The following ABCC9 variants were observed in gnomAD, a reference collection of about 807,000 sequenced individuals.
ABCC9 encodes the protein ATP-binding cassette sub-family C member 9.
In ABCC9, 95 loss-of-function variants were observed where a neutral mutation model predicts 188.3. The ratio of observed to expected loss-of-function variants is 0.50; its 90% confidence interval spans 0.43 to 0.60. The LOEUF is 0.60. ABCC9 is among the 20% of genes least tolerant of loss of function. The pLI is 0.00. For missense variants in ABCC9, 1,102 were observed against 1,876.3 expected (o/e 0.59, Z 7.62); for synonymous variants, 659 against 652.7 (o/e 1.01, Z -0.15).
At chr12:21,809,188 T>C (rs562494626) in intron 37 of ABCC9, among the ~76,000 whole-genome samples, 2 of 152,272 alleles carry the variant, frequency 1.3e-5, no homozygotes, top group South Asian at 2.1e-4. Flanking sequence ...GAGTTAAAGA[T>C]AGTATGAACT....
intron 30 of ABCC9, among the ~76,000 whole-genome samples, chr12:21,836,435 A>G (rs560067007): frequency 1.4e-4 from 22 of 152,252 alleles, no homozygotes; most frequent in South Asian, 1.0e-3. Context: ...TAAAATAGAA[A>G]TCTTTATATT....
At chr12:21,924,474 T>A (rs1948971190) in intron 5 of ABCC9, 1 of 152,124 alleles carries the variant, frequency 6.6e-6, no homozygotes, top group African/African-American at 2.4e-5. Flanking sequence ...AATTACTATC[T>A]TTGTGGTCTT....
At position 21,915,514 on chromosome 12, in the gene ABCC9, A is replaced by ATATATATATTTTTTTTTTT; in HGVS notation, c.816+153_816+154insAAAAAAAAAAATATATATA. On this transcript the variant is annotated intron_variant, in intron 7 of 39. Coordinates refer to ENST00000261200, the MANE Select transcript of ABCC9 (RefSeq NM_020297.4). The stretch of plus-strand genomic sequence containing the variant: ...TGTGTGTGTGTGTATATATATATAT[A>ATATATATATTTTTTTTTTT]TTTTTTTTTTTTTTTTGAGACAGAG... 7.4e-3 allele frequency among the ~76,000 whole-genome samples: 26 copies of ATATATATATTTTTTTTTTT among 3,520 alleles called. 1 individual carries two copies. Among genetic ancestry groups the ATATATATATTTTTTTTTTT allele is most frequent in the Middle Eastern group, 0.5 (1 of 2 alleles). The allele number at this position is 3,520 out of a possible 152,430, so 2.3% of individuals were successfully genotyped here.
In ABCC9 at chr12:21,817,323, A is replaced by G. The variant is rs745509782; in HGVS notation, c.3772-16T>C. On this transcript the variant is annotated splice_polypyrimidine_tract_variant and intron_variant, in intron 32 of 39. Transcript: ENST00000261200. ...AATTGGTTATCTGTGTCAGGTGATTAAAAAAATTGTTTTAAATAAATTAAA... is the reference window on the plus strand; with the variant it reads ...AATTGGTTATCTGTGTCAGGTGATTGAAAAAATTGTTTTAAATAAATTAAA... 31 of 1,611,806 alleles carry G rather than the reference A, an allele frequency of 1.9e-5. No homozygotes were observed. The highest frequency in any genetic ancestry group is 2.5e-5 in the Non-Finnish European group (30 of 1,178,814).
intron 15 of ABCC9, among the ~76,000 whole-genome samples, chr12:21,886,945 C>A (rs1349802928): frequency 6.6e-6 from 1 of 152,088 alleles, no homozygotes; most frequent in Non-Finnish European, 1.5e-5. Flanking sequence ...GAAATGACCA[C>A]CCTGCTTCAA....
At chr12:21,807,197 G>T in intron 38 of ABCC9, 149 bp downstream of exon 38, 1 of 999,186 alleles carries the variant, frequency 1.0e-6, no homozygotes, top group Non-Finnish European at 1.5e-6. Context: ...TTCTCAATGT[G>T]CTATCATCAG....
At position 21,800,953 on chromosome 12, in the gene ABCC9, AG is replaced by A. The variant is rs1321349926; in HGVS notation, c.*90del. ...TGTGCAAAAATCTGTAAAAGTTTTA[AG>A]ATGCCACTTTACAGAGGTCAAGCTG... On this transcript the variant is annotated 3_prime_UTR_variant, in exon 40 of 40. Coordinates refer to ENST00000261200, the MANE Select transcript of ABCC9 (RefSeq NM_020297.4). The A allele has an allele frequency of 6.7e-7, 1 of 1,486,580 alleles. No individual in the cohort carries two copies. The highest frequency in any genetic ancestry group is 9.2e-7 in the Non-Finnish European group (1 of 1,086,954). The allele number at this position is 1,486,580 out of a possible 1,614,324, so 92.1% of individuals were successfully genotyped here.
chr12:21,808,111 G>A (rs1941984542), intron 37 of ABCC9, among the ~76,000 whole-genome samples: 2 of 151,838 alleles, frequency 1.3e-5, no homozygotes, highest in South Asian at 4.2e-4. Flanking sequence ...GAAAAATTCT[G>A]TTTCCAAATG....
At chr12:21,845,090 C>T (rs1020184146) in intron 26 of ABCC9, among the ~76,000 whole-genome samples, 175 bp from the exon 27 acceptor site, 2 of 152,064 alleles carry the variant, frequency 1.3e-5, no homozygotes, top group African/African-American at 4.8e-5. Context: ...ACCATAATTC[C>T]ACAGGCCAAG....
intron 12 of ABCC9, among the ~76,000 whole-genome samples, chr12:21,895,543 A>T (rs190078517): frequency 2.0e-4 from 31 of 152,140 alleles, no homozygotes; most frequent in Non-Finnish European, 3.4e-4. Flanking sequence ...TCTTTATTGA[A>T]TTTTTTTCTT....
intron 18 of ABCC9, among the ~76,000 whole-genome samples, chr12:21,867,349 G>T (rs1455183035): frequency 1.3e-5 from 2 of 152,032 alleles, no homozygotes; most frequent in Non-Finnish European, 2.9e-5. Context: ...GTACTCTACA[G>T]CACTCAAGAC....
chr12:21,809,492 A>G (rs910357089), intron 37 of ABCC9, among the ~76,000 whole-genome samples: 4 of 152,182 alleles, frequency 2.6e-5, no homozygotes, highest in East Asian at 1.9e-4. Context: ...AGCTCCTGCA[A>G]TCCTTCCACT....
chr12:21,873,392 A>G (rs1401463304), intron 17 of ABCC9, among the ~76,000 whole-genome samples: 1 of 152,190 alleles, frequency 6.6e-6, no homozygotes, highest in African/African-American at 2.4e-5. Context: ...TATACACTGA[A>G]AACTATGACA....
At position 21,915,906 on chromosome 12, in the gene ABCC9, T is replaced by C. The variant is rs1948583615; in HGVS notation, c.578A>G (p.Tyr193Cys). 1 of 1,612,080 alleles carries C rather than the reference T, an allele frequency of 6.2e-7. No individual in the cohort carries two copies. The highest frequency in any genetic ancestry group is 1.7e-5 in the Admixed American group (1 of 59,938). ...VEINVIRVRRYVFFMNPQKVK... is the reference protein window; with the variant it reads ...VEINVIRVRRCVFFMNPQKVK... Reference sequence around the variant, plus strand: ...TTTCTGAGGATTCATGAAAAATACATATCTCTGTGGCAAGAAAAATTCCAC... The same window carrying C: ...TTTCTGAGGATTCATGAAAAATACACATCTCTGTGGCAAGAAAAATTCCAC... Residue 193 changes from tyrosine to cysteine, a missense_variant, in exon 7 of 40, where the codon TAT becomes TGT. This residue lies in a region of ABCC9 where 305 missense variants were observed against 573.0 expected (regional missense o/e 0.53). Coordinates refer to ENST00000261200, the MANE Select transcript of ABCC9 (RefSeq NM_020297.4).
At chr12:21,864,734 T>C (rs1945697829) in intron 18 of ABCC9, among the ~76,000 whole-genome samples, 1 of 152,170 alleles carries the variant, frequency 6.6e-6, no homozygotes, top group Admixed American at 6.5e-5. Context: ...TTTTGGTTCA[T>C]ACAATGACTG....
intron 22 of ABCC9, among the ~76,000 whole-genome samples, chr12:21,856,411 G>T (rs1032022987): frequency 6.6e-6 from 1 of 151,926 alleles, no homozygotes; most frequent in Non-Finnish European, 1.5e-5. Flanking sequence ...CAATAAATGT[G>T]CTTAAATAGT....
intron 31 of ABCC9, among the ~76,000 whole-genome samples, chr12:21,821,970 G>A (rs1330911573): frequency 6.6e-6 from 1 of 151,916 alleles, no homozygotes. Flanking sequence ...TAGTTATTAG[G>A]CCAGCAATCC....
intron 16 of ABCC9, among the ~76,000 whole-genome samples, chr12:21,877,365 T>C (rs567803641): frequency 6.6e-6 from 1 of 152,226 alleles, no homozygotes; most frequent in African/African-American, 2.4e-5. Flanking sequence ...ATATACTGAA[T>C]GTCAATGAAA....
At chr12:21,801,312 C>G (rs1941416171) in intron 39 of ABCC9, 131 bp from the exon 40 acceptor site, 4 of 1,136,206 alleles carry the variant, frequency 3.5e-6, no homozygotes, top group Non-Finnish European at 5.1e-6. Context: ...GTAGGGATCA[C>G]AGACACCTCC....
Sources: gnomAD v4.1 joint callset for allele counts (sites outside exome capture counted in the v4.1 genomes callset) on GRCh38, gnomAD v4.1.1 for gene constraint, gnomAD v4.1.1 regional missense constraint, MANE v1.5 for transcripts, NCBI Gene and HGNC (gene_info 2026-07-23, HGNC 2026-07-21) for gene names.